Variants in CSMD1 observed in about 807,000 individuals in gnomAD.
The protein encoded by CSMD1 is CUB and Sushi multiple domains 1.
CSMD1 carries 213 observed loss-of-function variants against 417.5 expected under a neutral mutation model. The observed-to-expected ratio is 0.51, with a 90% confidence interval of 0.46 to 0.57. The LOEUF is 0.57. Among genes scored for constraint, CSMD1 ranks in the 20% least tolerant of loss-of-function variants. The pLI is 0.00. For missense variants in CSMD1, 6,923 were observed against 4,529.7 expected, an observed-to-expected ratio of 1.53 and a Z score of -15.17; for synonymous variants, 2,862 against 1,736.8, an observed-to-expected ratio of 1.65 and a Z score of -16.11.
intron 5 of CSMD1, among the ~76,000 whole-genome samples, chr8:3,948,483 C>G (rs1242827473): frequency 6.6e-6 from 1 of 152,014 alleles, no homozygotes. Context: ...AAATTTTCTC[C>G]AGAAGTTGTT....
At chr8:3,470,620 T>A (rs571799353) in intron 11 of CSMD1, among the ~76,000 whole-genome samples, 16 of 152,290 alleles carry the variant, frequency 1.1e-4, no homozygotes, top group African/African-American at 3.6e-4. Context: ...GCAGGGCAGC[T>A]CCATTCCTTC....
chr8:3,592,196 T>C (rs1584932901), intron 8 of CSMD1, among the ~76,000 whole-genome samples: 1 of 152,104 alleles, frequency 6.6e-6, no homozygotes, highest in African/African-American at 2.4e-5. Context: ...GACAGATAGA[T>C]GGACAGAAAG....
At chr8:4,722,520 C>T (rs1051400285) in intron 1 of CSMD1, among the ~76,000 whole-genome samples, 1 of 152,024 alleles carries the variant, frequency 6.6e-6, no homozygotes. Flanking sequence ...GCTGATTCTT[C>T]AGGAGTATGC....
chr8:4,328,005 T>C (rs1047582409), intron 3 of CSMD1, among the ~76,000 whole-genome samples: 1 of 152,182 alleles, frequency 6.6e-6, no homozygotes, highest in Non-Finnish European at 1.5e-5. Flanking sequence ...CTTTATTCAT[T>C]TGGGAAATGA....
At chr8:3,664,793 A>G (rs1289926049) in intron 7 of CSMD1, among the ~76,000 whole-genome samples, 2 of 152,270 alleles carry the variant, frequency 1.3e-5, no homozygotes, top group African/African-American at 4.8e-5. Context: ...GTAAAACTGT[A>G]CACAAAGCTA....
intron 3 of CSMD1, among the ~76,000 whole-genome samples, chr8:4,290,909 G>C (rs187650622): frequency 1.3e-3 from 204 of 152,270 alleles, no homozygotes; most frequent in African/African-American, 4.4e-3. Flanking sequence ...AATTCCGCCA[G>C]TTCACAACTT....
chr8:4,239,529 G>A (rs1206682418), intron 3 of CSMD1, among the ~76,000 whole-genome samples: 1 of 152,154 alleles, frequency 6.6e-6, no homozygotes, highest in Non-Finnish European at 1.5e-5. Context: ...GGTTTTGGTG[G>A]TTCCAAAGCA....
At chr8:3,402,383 CCA>C (rs1205042439) in intron 15 of CSMD1, among the ~76,000 whole-genome samples, 1 of 152,104 alleles carries the variant, frequency 6.6e-6, no homozygotes, top group Non-Finnish European at 1.5e-5. Context: ...AGCTTTGCTG[CCA>C]CAGAGTTGGT....
chr8:4,035,213 C>T (rs911152031), intron 3 of CSMD1, among the ~76,000 whole-genome samples: 1 of 152,102 alleles, frequency 6.6e-6, no homozygotes, highest in South Asian at 2.1e-4. Context: ...AGCTATGATG[C>T]ACGTGTCTGT....
At chr8:4,517,479 A>G (rs1803188578) in intron 2 of CSMD1, among the ~76,000 whole-genome samples, 5 of 152,200 alleles carry the variant, frequency 3.3e-5, no homozygotes, top group African/African-American at 9.7e-5. Flanking sequence ...CACATAGATA[A>G]TGTTCCTGGA....
rs550779481 is a variant in CSMD1, at chr8:3,691,325, C to G, written c.1009+17089G>C. ...GAGGTTGCAGTGAGCCGGGATCGTGCCACTGCACTCCAGCATGGGTGACAG... is the reference window on the plus strand; with the variant it reads ...GAGGTTGCAGTGAGCCGGGATCGTGGCACTGCACTCCAGCATGGGTGACAG... On this transcript the variant is annotated intron_variant, in intron 7 of 69. Coordinates refer to ENST00000635120, the MANE Select transcript of CSMD1 (RefSeq NM_033225.6). 5.9e-4 allele frequency among the ~76,000 whole-genome samples: 89 copies of G among 151,986 alleles called. 2 individuals are homozygous for G. Among genetic ancestry groups the G allele is most frequent in the African/African-American group, 2.0e-3 (81 of 41,404 alleles).
intron 1 of CSMD1, among the ~76,000 whole-genome samples, chr8:4,927,312 C>A (rs1340856851): frequency 2.6e-5 from 4 of 152,024 alleles, no homozygotes; most frequent in Non-Finnish European, 5.9e-5. Context: ...CCAGCCTCAG[C>A]TTCCCAAAGT....
intron 3 of CSMD1, among the ~76,000 whole-genome samples, chr8:4,370,159 T>G (rs961331339): frequency 3.9e-5 from 6 of 152,186 alleles, no homozygotes; most frequent in African/African-American, 1.2e-4. Context: ...TTACCTTAGC[T>G]TTGGCTTTCC....
chr8:4,442,193 G>C (rs191598659), intron 2 of CSMD1, among the ~76,000 whole-genome samples: 1 of 152,140 alleles, frequency 6.6e-6, no homozygotes, highest in Non-Finnish European at 1.5e-5. Flanking sequence ...ACAATCTCCT[G>C]ACAAATCTTT....
intron 26 of CSMD1, 150 bp from the exon 27 acceptor site, chr8:3,230,381 C>T (rs1230713273): frequency 3.9e-6 from 2 of 515,506 alleles, no homozygotes; most frequent in Non-Finnish European, 6.6e-6. Flanking sequence ...GTTTCTTTTC[C>T]CAGGGGTACA....
chr8:4,596,150 G>T (rs578111204), intron 2 of CSMD1, among the ~76,000 whole-genome samples: 6 of 152,000 alleles, frequency 3.9e-5, no homozygotes, highest in Non-Finnish European at 8.8e-5. Flanking sequence ...CTTGCTTCAG[G>T]AATACATAAG....
At chr8:4,205,158 G>A (rs115865992) in intron 3 of CSMD1, among the ~76,000 whole-genome samples, 1 of 150,226 alleles carries the variant, frequency 6.7e-6, no homozygotes, top group Non-Finnish European at 1.5e-5. Context: ...ATTGTTCTTA[G>A]AGAGAAAACT....
intron 5 of CSMD1, among the ~76,000 whole-genome samples, chr8:3,843,539 A>G (rs557469833): frequency 1.3e-5 from 2 of 150,448 alleles, no homozygotes; most frequent in African/African-American, 5.0e-5. Flanking sequence ...TATAAAAGTA[A>G]AAAAAAAACA....
intron 2 of CSMD1, among the ~76,000 whole-genome samples, chr8:4,463,849 T>C (rs1256125232): frequency 6.6e-6 from 1 of 152,118 alleles, no homozygotes; most frequent in Non-Finnish European, 1.5e-5. Context: ...AGGAATATAT[T>C]AAAAAGCACT....
Sources: allele counts gnomAD v4.1 joint callset (sites outside exome capture counted in the v4.1 genomes callset), GRCh38; gene constraint gnomAD v4.1.1; transcripts MANE v1.5; gene names NCBI Gene and HGNC (gene_info 2026-07-23, HGNC 2026-07-21).